PPP1R37: variants seen among roughly 807,000 people sequenced by gnomAD.
PPP1R37 encodes protein phosphatase 1 regulatory subunit 37, also known as leucine rich repeat containing 68.
A neutral mutation model predicts 61.0 loss-of-function variants in PPP1R37; 21 were observed. The ratio of observed to expected loss-of-function variants is 0.34; its 90% confidence interval spans 0.24 to 0.50. PPP1R37 has a LOEUF of 0.50. Ranked by LOEUF, PPP1R37 falls within the 20% of genes least tolerant of loss-of-function variation. PPP1R37 has a pLI of 0.98. For missense variants in PPP1R37, 910 were observed against 952.7 expected, an observed-to-expected ratio of 0.96 and a Z score of 0.59; for synonymous variants, 443 against 433.5, an observed-to-expected ratio of 1.02 and a Z score of -0.27.
chr19:45,102,550 A>T (rs113253612), intron 1 of PPP1R37, among the ~76,000 whole-genome samples: 18,388 of 152,192 alleles, frequency 0.12, 1,250 homozygotes, highest in Non-Finnish European at 0.13. Flanking sequence ...CACTGCCTTG[A>T]ACTTGACTGG....
chr19:45,141,186 G>A (rs1599711389), intron 4 of PPP1R37, 136 bp from the exon 5 acceptor site: 1 of 970,784 alleles, frequency 1.0e-6, no homozygotes. Context: ...CCCTGTCTGT[G>A]CTTGTCCTCC....
intron 1 of PPP1R37, among the ~76,000 whole-genome samples, chr19:45,108,223 G>T (rs1422890633): frequency 6.6e-6 from 1 of 152,004 alleles, no homozygotes; most frequent in African/African-American, 2.4e-5. Context: ...TTTAAACCAT[G>T]GCCAGAGACA....
At position 45,125,637 on chromosome 19, in the gene PPP1R37, C is replaced by T. The variant is rs181769623; in HGVS notation, c.203-12877C>T. Among the ~76,000 whole-genome samples the T allele has an allele frequency of 6.6e-5, 10 of 152,288 alleles. No individual in the cohort carries two copies. The East Asian group carries it at 1.9e-3, about 29-fold the overall frequency. Reference sequence around the variant, plus strand: ...AGAGTTCCATCTCAGGGCGTAGGACCGGCTGTGGCTGGCTCTGTAACCTTC... The same window carrying T: ...AGAGTTCCATCTCAGGGCGTAGGACTGGCTGTGGCTGGCTCTGTAACCTTC... On this transcript the variant is annotated intron_variant, in intron 1 of 12. Coordinates refer to ENST00000221462, the MANE Select transcript of PPP1R37 (RefSeq NM_019121.2).
At chr19:45,146,250 G>A in intron 11 of PPP1R37, 140 bp from the exon 12 acceptor site, 2 of 929,198 alleles carry the variant, frequency 2.2e-6, no homozygotes, top group Non-Finnish European at 1.6e-6. Flanking sequence ...GGGCATGTAA[G>A]GTGTGCTGCC....
intron 1 of PPP1R37, among the ~76,000 whole-genome samples, chr19:45,107,240 C>T (rs1968143786): frequency 1.3e-5 from 2 of 151,950 alleles, no homozygotes; most frequent in Admixed American, 6.6e-5. Flanking sequence ...TGCCTATAAT[C>T]CCAGCACTTT....
At position 45,141,380 on chromosome 19, in the gene PPP1R37, TCTC is replaced by T; in HGVS notation, c.509_511del (p.Ser170del). On this transcript the variant is annotated inframe_deletion, in exon 5 of 13. Coordinates refer to ENST00000221462, the MANE Select transcript of PPP1R37 (RefSeq NM_019121.2). ...TACGAGTCGGCCACCCACCTCAACA[TCTC>T]CTTCAACAAGCACATCGGCACCCGG... 1 of 1,535,102 alleles carries T rather than the reference TCTC, an allele frequency of 6.5e-7. No individual in the cohort carries two copies. Among genetic ancestry groups the T allele is most frequent in the Non-Finnish European group, 8.7e-7 (1 of 1,146,576 alleles).
chr19:45,115,241 C>T (rs1296436284), intron 1 of PPP1R37, among the ~76,000 whole-genome samples: 4 of 152,184 alleles, frequency 2.6e-5, no homozygotes, highest in African/African-American at 9.7e-5. Flanking sequence ...AAGGCTGGAA[C>T]AGAGGAGACA....
intron 1 of PPP1R37, among the ~76,000 whole-genome samples, chr19:45,113,047 G>A (rs970128896): frequency 6.6e-6 from 1 of 152,106 alleles, no homozygotes; most frequent in Non-Finnish European, 1.5e-5. Flanking sequence ...TCCTGCCCTC[G>A]ACAGCTTAGA....
chr19:45,134,691 G>A (rs573944570), intron 1 of PPP1R37, among the ~76,000 whole-genome samples: 3 of 151,758 alleles, frequency 2.0e-5, no homozygotes, highest in South Asian at 4.2e-4. Context: ...TCCTGAGTAC[G>A]TGGAACTACA....
At chr19:45,143,407 G>C in intron 7 of PPP1R37, 114 bp from the exon 8 acceptor site, 1 of 630,346 alleles carries the variant, frequency 1.6e-6, no homozygotes, top group South Asian at 1.9e-5. Context: ...CAAGGCCTGG[G>C]ACTGCGGGGC....
intron 1 of PPP1R37, among the ~76,000 whole-genome samples, chr19:45,094,110 A>G (rs1967960623): frequency 6.6e-6 from 1 of 152,196 alleles, no homozygotes; most frequent in South Asian, 2.1e-4. Flanking sequence ...GTGGTGGTCA[A>G]TTTGTGGTTG....
At chr19:45,108,381 C>T (rs927056419) in intron 1 of PPP1R37, among the ~76,000 whole-genome samples, 2 of 146,348 alleles carry the variant, frequency 1.4e-5, no homozygotes, top group Admixed American at 1.4e-4. Context: ...GGCTAATTTT[C>T]GTATTTTTAG....
Position 45,140,487 on chromosome 19 carries a change from G to A in PPP1R37, c.347-19G>A, listed in dbSNP as rs764649598. Reference sequence around the variant, plus strand: ...GGTGCACTGTCTTAGACATGCGCACGGCTGCTGTCTCCCCCCAGGTGAGAA... The same window carrying A: ...GGTGCACTGTCTTAGACATGCGCACAGCTGCTGTCTCCCCCCAGGTGAGAA... On this transcript the variant is annotated intron_variant, in intron 3 of 12. Transcript: ENST00000221462. The A allele has an allele frequency of 5.4e-5, 82 of 1,523,772 alleles. No individual in the cohort carries two copies. Among genetic ancestry groups the A allele is most frequent in the Admixed American group, 7.8e-5 (4 of 50,972 alleles). 94.4% of individuals were successfully genotyped at this position (1,523,772 alleles called of 1,614,324 possible). A position where few individuals can be genotyped will look rare whatever the true frequency, so the allele number is the denominator to read the frequency against.
At chr19:45,117,938 C>G (rs80159714) in intron 1 of PPP1R37, among the ~76,000 whole-genome samples, 3 of 152,232 alleles carry the variant, frequency 2.0e-5, no homozygotes, top group Non-Finnish European at 2.9e-5. Context: ...CTCCAGCCCC[C>G]GCGTGATCCG....
At chr19:45,119,352 C>T (rs1968310805) in intron 1 of PPP1R37, among the ~76,000 whole-genome samples, 1 of 152,116 alleles carries the variant, frequency 6.6e-6, no homozygotes, top group Non-Finnish European at 1.5e-5. Flanking sequence ...GGGGTTTTGC[C>T]CTGTTGGCCC....
chr19:45,104,075 G>T (rs1487184391), intron 1 of PPP1R37, among the ~76,000 whole-genome samples: 1 of 151,018 alleles, frequency 6.6e-6, no homozygotes, highest in Admixed American at 6.6e-5. Context: ...CCCCTCCCAC[G>T]CCTAGACGCA....
chr19:45,113,153 C>T (rs963143720), intron 1 of PPP1R37, among the ~76,000 whole-genome samples: 2 of 152,156 alleles, frequency 1.3e-5, no homozygotes, highest in South Asian at 2.1e-4. Context: ...GAAGCCCACC[C>T]GGCCCTCTGG....
intron 1 of PPP1R37, among the ~76,000 whole-genome samples, chr19:45,111,781 C>CG (rs1374119470): frequency 1.6e-5 from 2 of 121,410 alleles, no homozygotes; most frequent in African/African-American, 3.2e-5. Flanking sequence ...TTGCGGGGGG[C>CG]GGGGGTGGAT....
chr19:45,142,435 G>A lies in PPP1R37; in HGVS notation c.851G>A (p.Arg284Gln), dbSNP rs1968626192. The A allele has an allele frequency of 2.6e-6, 4 of 1,535,932 alleles. No homozygotes were observed. Among genetic ancestry groups the A allele is most frequent in the Non-Finnish European group, 3.5e-6 (4 of 1,146,908 alleles). The change falls in exon 7 of 13, where the codon CGG (arginine) becomes CAG (glutamine). Residue 284 changes from arginine (R) to glutamine (Q), a missense_variant. This residue lies in a region of PPP1R37 where 280 missense variants were observed against 382.2 expected (regional missense o/e 0.73). Coordinates refer to ENST00000221462, the MANE Select transcript of PPP1R37 (RefSeq NM_019121.2). ...FNCSLQILDL[R>Q]NNHVLDSGLA... ...TGCTCCCTGCAGATCCTGGACCTCC[G>A]GAACAACCACGTGCTAGACTCGGGT...
Sources: allele counts gnomAD v4.1 joint callset (sites outside exome capture counted in the v4.1 genomes callset), GRCh38; gene constraint gnomAD v4.1.1; regional missense constraint gnomAD v4.1.1; transcripts MANE v1.5; gene names NCBI Gene and HGNC (gene_info 2026-07-23, HGNC 2026-07-21).